COL4A5: variants seen among roughly 807,000 people sequenced by gnomAD.
The protein encoded by COL4A5 is collagen type IV alpha 5 chain.
In COL4A5, 26 loss-of-function variants were observed where a neutral mutation model predicts 130.2. That is an observed-to-expected ratio of 0.20 (90% CI 0.15 to 0.28). The LOEUF is 0.28. COL4A5 is among the 10% of genes least tolerant of loss of function. COL4A5 has a pLI of 1.00. For synonymous variants in COL4A5, 496 were observed against 439.6 expected, an observed-to-expected ratio of 1.13 and a Z score of -1.60; for missense variants, 1,131 against 1,344.3, an observed-to-expected ratio of 0.84 and a Z score of 2.48.
At chrX:108,459,599 A>G (rs987970153) in intron 1 of COL4A5, among the ~76,000 whole-genome samples, 4 of 112,585 alleles carry the variant, frequency 3.6e-5, no homozygotes, top group Non-Finnish European at 5.6e-5. Context: ...ATTGTAATCT[A>G]TATACATATA....
chrX:108,472,637 A>G (rs1321861753), intron 1 of COL4A5, among the ~76,000 whole-genome samples: 2 of 111,253 alleles, frequency 1.8e-5, no homozygotes, highest in South Asian at 7.6e-4. Context: ...ATAATCAGCC[A>G]CCCCAGCTCT....
chrX:108,554,754 A>G (rs2065799783), intron 2 of COL4A5, among the ~76,000 whole-genome samples: 1 of 110,773 alleles, frequency 9.0e-6, no homozygotes, highest in Non-Finnish European at 1.9e-5. Context: ...CCAGCTACTC[A>G]GGGAGGCTGA....
chrX:108,484,204 GAT>G (rs1401558474), intron 1 of COL4A5, among the ~76,000 whole-genome samples: 1 of 111,848 alleles, frequency 8.9e-6, no homozygotes, highest in Non-Finnish European at 1.9e-5. Context: ...AAATTTATCT[GAT>G]AGAATTATGA....
At chrX:108,673,629 C>T (rs750266049) in intron 42 of COL4A5, among the ~76,000 whole-genome samples, 15 of 109,490 alleles carry the variant, frequency 1.4e-4, no homozygotes, top group Non-Finnish European at 2.7e-4. Context: ...CACTGATAGG[C>T]TTCATATCTT....
At chrX:108,691,929 T>G (rs1234154879) in intron 49 of COL4A5, among the ~76,000 whole-genome samples, 1 of 111,531 alleles carries the variant, frequency 9.0e-6, no homozygotes, top group Non-Finnish European at 1.9e-5. Context: ...AAATTCCCAG[T>G]CCCTGCTATT....
chrX:108,637,145 G>A (rs868013172), intron 36 of COL4A5, among the ~76,000 whole-genome samples: 25 of 109,105 alleles, frequency 2.3e-4, no homozygotes, highest in African/African-American at 8.3e-4. Flanking sequence ...ATGTTGGACA[G>A]TTGGTCTTGA....
chrX:108,645,043 C>T (rs1179509210), intron 36 of COL4A5, among the ~76,000 whole-genome samples: 1 of 109,132 alleles, frequency 9.2e-6, no homozygotes, highest in Non-Finnish European at 1.9e-5. Flanking sequence ...ATGATATAAC[C>T]TATCAAAGCC....
At chrX:108,629,913 GT>G (rs1430689313) in intron 36 of COL4A5, among the ~76,000 whole-genome samples, 1 of 110,779 alleles carries the variant, frequency 9.0e-6, no homozygotes, top group Non-Finnish European at 1.9e-5. Flanking sequence ...GCGGTGTTCG[GT>G]TTTCTCTCCT....
At chrX:108,459,570 C>T (rs1490638948) in intron 1 of COL4A5, among the ~76,000 whole-genome samples, 1 of 112,220 alleles carries the variant, frequency 8.9e-6, no homozygotes, top group Non-Finnish European at 1.9e-5. Context: ...TTCCTTTGAA[C>T]AGAGTTCTAA....
At chrX:108,657,853 T>C (rs1235481766) in intron 37 of COL4A5, among the ~76,000 whole-genome samples, 3 of 111,487 alleles carry the variant, frequency 2.7e-5, no homozygotes, top group African/African-American at 9.7e-5. Context: ...CCAATTTCAC[T>C]TTTTAAAATT....
rs1174570389 is a variant in COL4A5, at chrX:108,612,837, A to G, written c.2396-2074A>G. Among the ~76,000 whole-genome samples, 8 of 112,231 alleles carry G rather than the reference A, an allele frequency of 7.1e-5. No individual in the cohort carries two copies. In the South Asian group the frequency reaches 2.9e-3, roughly 41 times the overall value. ...TTTTGAGAAAGAAGTACAAAGTTGG[A>G]CAATTCATAGTACTTGATGTTAAGA... On this transcript the variant is annotated intron_variant, in intron 29 of 52. Coordinates refer to ENST00000328300, the MANE Select transcript of COL4A5 (RefSeq NM_033380.3).
At chrX:108,477,815 CAAAA>C (rs749101117) in intron 1 of COL4A5, among the ~76,000 whole-genome samples, 2 of 33,914 alleles carry the variant, frequency 5.9e-5, no homozygotes. Flanking sequence ...GACTTTGTCT[CAAAA>C]AAAAAAAAAA....
intron 32 of COL4A5, 64 bp from the exon 33 acceptor site, chrX:108,622,612 T>C: frequency 1.8e-6 from 2 of 1,123,916 alleles, no homozygotes; most frequent in Middle Eastern, 6.0e-4. Context: ...TCAATAATCT[T>C]TATATGCATT....
chrX:108,622,929 G>T (rs1241224860), intron 33 of COL4A5, 104 bp downstream of exon 33: 5 of 691,843 alleles, frequency 7.2e-6, no homozygotes, highest in Admixed American at 7.2e-5. Context: ...ACCAACAAAG[G>T]CACTTAAATG....
chrX:108,506,341 CATCT>C (rs59216072), intron 1 of COL4A5, among the ~76,000 whole-genome samples: 41,760 of 97,820 alleles, frequency 0.43, 7,396 homozygotes, highest in Middle Eastern at 0.48. Context: ...TTTATTCTAT[CATCT>C]ATCTATCTAT....
At chrX:108,609,654 C>T (rs2066794488) in intron 29 of COL4A5, among the ~76,000 whole-genome samples, 1 of 111,244 alleles carries the variant, frequency 9.0e-6, no homozygotes. Flanking sequence ...AAACATTTGC[C>T]TGCCCCAAAG....
At chrX:108,576,805 C>G (rs894130617) in intron 10 of COL4A5, among the ~76,000 whole-genome samples, 1 of 111,922 alleles carries the variant, frequency 8.9e-6, no homozygotes, top group East Asian at 2.8e-4. Context: ...AAGAATCTAC[C>G]AGAAAAGATT....
chrX:108,686,081 G>T lies in COL4A5; in HGVS notation c.4267G>T (p.Asp1423Tyr). The T allele has an allele frequency of 5.0e-6, 6 of 1,211,302 alleles. No homozygotes were observed. Among genetic ancestry groups the T allele is most frequent in the Non-Finnish European group, 6.7e-6 (6 of 895,332 alleles). ...TGGACGCAATGGACTCCCTGGCTTT[G>T]ATGGTGCAGGAGGGCGCAAAGGAGA... ...DPGRNGLPGF[D>Y]GAGGRKGDPG... Residue 1423 changes from aspartate to tyrosine, a missense_variant, in exon 48 of 53, where the codon GAT becomes TAT. Physicochemically the swap from Asp to Tyr is radical, Grantham distance 160 (BLOSUM62 -3). Coordinates refer to ENST00000328300, the MANE Select transcript of COL4A5 (RefSeq NM_033380.3).
intron 1 of COL4A5, among the ~76,000 whole-genome samples, chrX:108,523,385 A>C (rs1489091291): frequency 8.9e-6 from 1 of 111,882 alleles, no homozygotes; most frequent in African/African-American, 3.3e-5. Context: ...ACCTTTGTCA[A>C]AAATCTATTC....
Sources: gnomAD v4.1 joint callset for allele counts (sites outside exome capture counted in the v4.1 genomes callset) on GRCh38, gnomAD v4.1.1 for gene constraint, MANE v1.5 for transcripts, NCBI Gene and HGNC (gene_info 2026-07-23, HGNC 2026-07-21) for gene names.